Variants in SP3 observed in about 807,000 individuals in gnomAD.
SP3 encodes the protein transcription factor Sp3.
In SP3, 10 loss-of-function variants were observed where a neutral mutation model predicts 70.3. The observed-to-expected ratio is 0.14, with a 90% CI of 0.09 to 0.24. The LOEUF (loss-of-function observed/expected upper bound fraction) is 0.24. SP3 is among the 10% of genes least tolerant of loss of function. SP3 has a pLI of 1.00. For missense variants in SP3, 825 were observed against 914.6 expected (o/e 0.90, Z 1.26); for synonymous variants, 402 against 333.5 (o/e 1.21, Z -2.24).
chr2:173,929,993 T>G (rs1218462734), intron 4 of SP3, among the ~76,000 whole-genome samples: 1 of 152,182 alleles, frequency 6.6e-6, no homozygotes, highest in African/African-American at 2.4e-5. Context: ...TTACTACTTT[T>G]CTTTGCTTTC....
In SP3 at chr2:173,904,488, T is replaced by G. The variant is rs558941475; in HGVS notation, c.*5453A>C. Among the ~76,000 whole-genome samples the G allele has an allele frequency of 6.6e-6, 1 of 152,186 alleles. No individual in the cohort carries two copies. Among genetic ancestry groups the G allele is most frequent in the African/African-American group, 2.4e-5 (1 of 41,436 alleles). On this transcript the variant is annotated 3_prime_UTR_variant, in exon 7 of 7. Transcript: ENST00000310015. ...GAACCCCAGGAGGATGAAATGCAGA[T>G]AGTGAAATGCAAGACACTGGAACAA...
chr2:173,945,974 A>G (rs1160946211), intron 4 of SP3, among the ~76,000 whole-genome samples: 4 of 152,074 alleles, frequency 2.6e-5, no homozygotes, highest in Non-Finnish European at 2.9e-5. Flanking sequence ...AAAAAACACA[A>G]AAATTAGCCA....
intron 4 of SP3, 148 bp from the exon 5 acceptor site, chr2:173,918,933 T>C: frequency 1.6e-6 from 1 of 640,466 alleles, no homozygotes; most frequent in Non-Finnish European, 2.6e-6. Context: ...TTGTTCCTCA[T>C]CTAACTAACC....
intron 3 of SP3, among the ~76,000 whole-genome samples, chr2:173,960,334 G>C (rs116592788): frequency 6.6e-6 from 1 of 152,154 alleles, no homozygotes; most frequent in Non-Finnish European, 1.5e-5. Flanking sequence ...TATTAACTTA[G>C]TTCCCACGAA....
intron 4 of SP3, among the ~76,000 whole-genome samples, chr2:173,951,311 A>C (rs900981522): frequency 6.6e-6 from 1 of 152,190 alleles, no homozygotes; most frequent in Non-Finnish European, 1.5e-5. Context: ...CCAAACTTAC[A>C]CATTACTGAC....
chr2:173,906,813 A>G lies in SP3; in HGVS notation c.*3128T>C, dbSNP rs1408347615. On this transcript the variant is annotated 3_prime_UTR_variant, in exon 7 of 7. Coordinates refer to ENST00000310015, the MANE Select transcript of SP3 (RefSeq NM_003111.5). Reference sequence around the variant, plus strand: ...CTTGAGCAGCTGTTTCAAAACACATATACACTCCATCTCCAGAGATGTTGA... The same window carrying G: ...CTTGAGCAGCTGTTTCAAAACACATGTACACTCCATCTCCAGAGATGTTGA... The G allele has an allele frequency of 6.6e-6, 1 of 152,170 alleles. No individual in the cohort carries two copies. Among genetic ancestry groups the G allele is most frequent in the Non-Finnish European group, 1.5e-5 (1 of 68,024 alleles). 9.4% of individuals were successfully genotyped at this position (152,170 alleles called of 1,614,324 possible). A position where few individuals can be genotyped will look rare whatever the true frequency, so the allele number is the denominator to read the frequency against.
At chr2:173,935,723 C>G (rs917212694) in intron 4 of SP3, among the ~76,000 whole-genome samples, 5 of 152,154 alleles carry the variant, frequency 3.3e-5, no homozygotes, top group African/African-American at 1.2e-4. Flanking sequence ...TTCCTTTGTC[C>G]TAGGCTCAGC....
In SP3 at chr2:173,911,388, C is replaced by A. The variant is rs531321765; in HGVS notation, c.2030-1131G>T. On this transcript the variant is annotated intron_variant, in intron 6 of 6. Coordinates refer to ENST00000310015, the MANE Select transcript of SP3 (RefSeq NM_003111.5). ...CGCTACAAAAAAAGGTCTCTCACTT[C>A]TTCTATTAACATACCACCATTTTTC... 8.5e-5 allele frequency among the ~76,000 whole-genome samples: 13 copies of A among 152,292 alleles called. No individual in the cohort carries two copies. In the South Asian group the frequency reaches 1.9e-3, roughly 22 times the overall value.
chr2:173,938,459 C>CAAAAAA (rs747595137), intron 4 of SP3, among the ~76,000 whole-genome samples: 117 of 46,360 alleles, frequency 2.5e-3, no homozygotes, highest in Admixed American at 3.8e-3. Flanking sequence ...AACTTTGCCT[C>CAAAAAA]AAAAAAAAAA....
rs377074810 is a variant in SP3, at chr2:173,959,161, AT to A, written c.280-2930del. ...GCCTTCTATGAAAAAGTCTAAACCA[AT>A]TTTAAGCCTATTTATTTCCACAATT... On this transcript the variant is annotated intron_variant, in intron 3 of 6. Coordinates refer to ENST00000310015, the MANE Select transcript of SP3 (RefSeq NM_003111.5). Among the ~76,000 whole-genome samples, 36 of 152,268 alleles carry A rather than the reference AT, an allele frequency of 2.4e-4. No homozygotes were observed. In the East Asian group the frequency reaches 6.9e-3, roughly 29 times the overall value.
intron 3 of SP3, among the ~76,000 whole-genome samples, chr2:173,960,279 A>C (rs1691025559): frequency 6.6e-6 from 1 of 152,274 alleles, no homozygotes; most frequent in South Asian, 2.1e-4. Flanking sequence ...GGAAACGGAA[A>C]AAGAAAAAAT....
intron 4 of SP3, among the ~76,000 whole-genome samples, chr2:173,923,147 T>G (rs183613681): frequency 2.0e-3 from 304 of 149,762 alleles, no homozygotes; most frequent in African/African-American, 7.1e-3. Flanking sequence ...AACAGCACTG[T>G]TTTTTTATGT....
chr2:173,964,625 C>T (rs1691226146), intron 1 of SP3, 72 bp from the exon 2 acceptor site: 2 of 622,694 alleles, frequency 3.2e-6, no homozygotes. Flanking sequence ...GCCCGCGGGC[C>T]GAAGCGAAAT....
intron 5 of SP3, chr2:173,916,796 C>G (rs995139720): frequency 5.7e-4 from 86 of 152,114 alleles, no homozygotes; most frequent in African/African-American, 1.5e-3. Flanking sequence ...AATAATCAGA[C>G]AAATGTGCAA....
At chr2:173,920,098 C>A (rs1401310739) in intron 4 of SP3, among the ~76,000 whole-genome samples, 3 of 152,122 alleles carry the variant, frequency 2.0e-5, no homozygotes, top group African/African-American at 4.8e-5. Context: ...CCCCGCACCC[C>A]CTATGTATTC....
rs141271184 is a variant in SP3, at chr2:173,925,189, C to T, written c.1640-6404G>A. ...CTGGGATTACAGGCGTGAGCCACCA[C>T]GCTCAGCCACATATGCTATTATATG... is the stretch of plus-strand genomic sequence containing the variant. On this transcript the variant is annotated intron_variant, in intron 4 of 6. Coordinates refer to ENST00000310015, the MANE Select transcript of SP3 (RefSeq NM_003111.5). Among the ~76,000 whole-genome samples the T allele has an allele frequency of 6.5e-3, 995 of 152,324 alleles. 17 individuals are homozygous for T. Among genetic ancestry groups the T allele is most frequent in the East Asian group, 0.037 (194 of 5,188 alleles).
intron 3 of SP3, chr2:173,963,416 G>C (rs1691151153): frequency 6.6e-6 from 1 of 152,326 alleles, no homozygotes; most frequent in Admixed American, 6.5e-5. Context: ...ACTATCTATG[G>C]CCGATAGGCT....
At position 173,903,200 on chromosome 2, in the gene SP3, C is replaced by T. The variant is rs188691775; in HGVS notation, c.*6741G>A. Reference sequence around the variant, plus strand: ...CTGATTCTTCCAGTGCTTACATTTACTAATACATAATATAATATGTGCCAG... The same window carrying T: ...CTGATTCTTCCAGTGCTTACATTTATTAATACATAATATAATATGTGCCAG... On this transcript the variant is annotated 3_prime_UTR_variant, in exon 7 of 7. Transcript: ENST00000310015. Among the ~76,000 whole-genome samples, 1 of 152,308 alleles carries T rather than the reference C, an allele frequency of 6.6e-6. No homozygotes were observed. The highest frequency in any genetic ancestry group is 1.9e-4 in the East Asian group (1 of 5,190).
At chr2:173,923,427 T>C (rs1173589860) in intron 4 of SP3, among the ~76,000 whole-genome samples, 1 of 152,102 alleles carries the variant, frequency 6.6e-6, no homozygotes, top group African/African-American at 2.4e-5. Context: ...ATTAGTTAAG[T>C]ATCAATAACT....
Sources: allele counts gnomAD v4.1 joint callset (sites outside exome capture counted in the v4.1 genomes callset), GRCh38; gene constraint gnomAD v4.1.1; transcripts MANE v1.5; gene names NCBI Gene and HGNC (gene_info 2026-07-23, HGNC 2026-07-21).